Variants in CNTN5 observed in about 807,000 individuals in gnomAD.
The protein encoded by CNTN5 is contactin 5, also known as contactin-5.
CNTN5 carries 77 observed loss-of-function variants against 129.1 expected under a neutral mutation model. The ratio of observed to expected loss-of-function variants is 0.60; its 90% CI spans 0.50 to 0.72. The LOEUF (loss-of-function observed/expected upper bound fraction) is 0.72, where lower values mean the gene tolerates loss of function less well. CNTN5 is among the 30% of genes least tolerant of loss of function. The pLI is 0.00. For missense variants in CNTN5, 1,478 were observed against 1,328.8 expected, an observed-to-expected ratio of 1.11 and a Z score of -1.75; for synonymous variants, 509 against 465.6, an observed-to-expected ratio of 1.09 and a Z score of -1.20.
chr11:99,703,103 TCTTA>T (rs138801727), intron 3 of CNTN5, among the ~76,000 whole-genome samples: 2,921 of 150,984 alleles, frequency 0.019, 87 homozygotes, highest in African/African-American at 0.066. Context: ...GCTCTATAAC[TCTTA>T]CTTTAAAATC....
chr11:100,155,544 T>C (rs1245350442), intron 13 of CNTN5, among the ~76,000 whole-genome samples: 5 of 152,074 alleles, frequency 3.3e-5, no homozygotes, highest in African/African-American at 9.7e-5. Flanking sequence ...TAGTTTTTTC[T>C]AATTCTGGGA....
At chr11:99,910,406 T>C (rs1949627894) in intron 6 of CNTN5, among the ~76,000 whole-genome samples, 1 of 152,108 alleles carries the variant, frequency 6.6e-6, no homozygotes, top group Non-Finnish European at 1.5e-5. Flanking sequence ...CAAATGACTA[T>C]GTATTAGAGA....
chr11:99,732,542 A>G (rs989055110), intron 3 of CNTN5, among the ~76,000 whole-genome samples: 2 of 152,194 alleles, frequency 1.3e-5, no homozygotes, highest in Non-Finnish European at 2.9e-5. Context: ...GAAATATTCC[A>G]TGAGAGAGGT....
In CNTN5 at chr11:99,510,430, A is replaced by C. The variant is rs371625826; in HGVS notation, c.-70-45715A>C. Among the ~76,000 whole-genome samples the C allele has an allele frequency of 1.2e-4, 19 of 152,324 alleles. No homozygotes were observed. In the East Asian group the frequency reaches 3.3e-3, roughly 26 times the overall value. On this transcript the variant is annotated intron_variant, in intron 2 of 24. Transcript: ENST00000524871. ...TTTTGACCTAGAAATCTGACTTCTA[A>C]TATTACTGATATTTAAACATGTCTA...
At chr11:99,419,195 C>T (rs1942785193) in intron 2 of CNTN5, among the ~76,000 whole-genome samples, 1 of 152,110 alleles carries the variant, frequency 6.6e-6, no homozygotes, top group African/African-American at 2.4e-5. Context: ...CCTACCTGAG[C>T]ACAACAGCAC....
intron 13 of CNTN5, among the ~76,000 whole-genome samples, chr11:100,128,450 A>T (rs561793740): frequency 1.3e-5 from 2 of 152,172 alleles, no homozygotes; most frequent in Non-Finnish European, 2.9e-5. Flanking sequence ...AGAACCTGTA[A>T]GTATGTCACT....
intron 3 of CNTN5, among the ~76,000 whole-genome samples, chr11:99,729,531 A>G (rs1943459197): frequency 1.3e-5 from 2 of 152,004 alleles, no homozygotes; most frequent in Admixed American, 6.6e-5. Flanking sequence ...AGCTATCTGT[A>G]TGCTTCTTCA....
intron 1 of CNTN5, among the ~76,000 whole-genome samples, chr11:99,084,651 T>C (rs1189782798): frequency 1.3e-5 from 2 of 152,198 alleles, no homozygotes; most frequent in Non-Finnish European, 2.9e-5. Context: ...ATTTACCTTT[T>C]TCTTCAACTG....
At chr11:99,380,628 G>A (rs1274799566) in intron 2 of CNTN5, among the ~76,000 whole-genome samples, 1 of 151,786 alleles carries the variant, frequency 6.6e-6, no homozygotes, top group African/African-American at 2.4e-5. Flanking sequence ...AATTAGCTGG[G>A]CGTTGTGGTG....
chr11:99,021,919 T>C (rs1242151392), intron 1 of CNTN5, among the ~76,000 whole-genome samples: 2 of 152,218 alleles, frequency 1.3e-5, no homozygotes, highest in Non-Finnish European at 2.9e-5. Context: ...AATTTGCACA[T>C]ACACAAACCT....
intron 2 of CNTN5, among the ~76,000 whole-genome samples, chr11:99,380,953 A>T (rs1440521908): frequency 1.3e-5 from 2 of 152,024 alleles, no homozygotes. Flanking sequence ...AATATTGGAA[A>T]CGTCCAACGG....
intron 1 of CNTN5, among the ~76,000 whole-genome samples, chr11:99,216,973 A>T (rs1388299122): frequency 3.3e-5 from 5 of 152,164 alleles, no homozygotes; most frequent in African/African-American, 1.2e-4. Context: ...TCGTGAGGTC[A>T]AGAAATCGAG....
intron 3 of CNTN5, among the ~76,000 whole-genome samples, chr11:99,806,691 C>G (rs1670887840): frequency 6.6e-6 from 1 of 151,642 alleles, no homozygotes; most frequent in Non-Finnish European, 1.5e-5. Flanking sequence ...CCTCTAATCC[C>G]AGCTACTTGG....
chr11:99,665,919 A>G (rs1317179462), intron 3 of CNTN5, among the ~76,000 whole-genome samples: 2 of 151,888 alleles, frequency 1.3e-5, no homozygotes, highest in Non-Finnish European at 2.9e-5. Flanking sequence ...ACCTCACCTT[A>G]GAAGAAGAGC....
intron 2 of CNTN5, among the ~76,000 whole-genome samples, chr11:99,537,381 T>C (rs1270132331): frequency 2.0e-5 from 3 of 152,122 alleles, no homozygotes; most frequent in Non-Finnish European, 4.4e-5. Flanking sequence ...CAATCAGATG[T>C]TGAACCCACA....
At position 99,581,349 on chromosome 11, in the gene CNTN5, C is replaced by T. The variant is rs377753779; in HGVS notation, c.55+25080C>T. On this transcript the variant is annotated intron_variant, in intron 3 of 24. Transcript: ENST00000524871. ...GAGTTCTGTAGATGTCTATTAGGTCCGCTTGGTGCAGAGCTGAGTTCAATT... is the reference window on the plus strand; with the variant it reads ...GAGTTCTGTAGATGTCTATTAGGTCTGCTTGGTGCAGAGCTGAGTTCAATT... Among the ~76,000 whole-genome samples, 1,061 of 147,448 alleles carry T rather than the reference C, an allele frequency of 7.2e-3. 12 individuals carry two copies. In the East Asian group the frequency reaches 0.096, roughly 13 times the overall value.
chr11:99,499,903 T>C (rs1946364775), intron 2 of CNTN5, among the ~76,000 whole-genome samples: 1 of 152,178 alleles, frequency 6.6e-6, no homozygotes. Context: ...ATAGAAAAAG[T>C]TAGACTTACG....
chr11:99,299,074 T>C (rs1160005012), intron 1 of CNTN5, among the ~76,000 whole-genome samples: 1 of 152,164 alleles, frequency 6.6e-6, no homozygotes, highest in Non-Finnish European at 1.5e-5. Context: ...TTCGTGTTTC[T>C]TTTTTCTATC....
chr11:100,333,756 C>A (rs1308650017), intron 21 of CNTN5, among the ~76,000 whole-genome samples: 4 of 152,004 alleles, frequency 2.6e-5, no homozygotes, highest in Non-Finnish European at 5.9e-5. Flanking sequence ...ACTGGATCCT[C>A]ATCTCTCACC....
Sources: gnomAD v4.1 joint callset for allele counts (sites outside exome capture counted in the v4.1 genomes callset) on GRCh38, gnomAD v4.1.1 for gene constraint, MANE v1.5 for transcripts, NCBI Gene and HGNC (gene_info 2026-07-23, HGNC 2026-07-21) for gene names.